Variants in MCM2 observed in about 807,000 individuals in gnomAD.
MCM2 encodes DNA replication licensing factor MCM2.
A neutral mutation model predicts 86.4 loss-of-function variants in MCM2; 49 were observed. The observed-to-expected ratio is 0.57, with a 90% CI of 0.45 to 0.72. The LOEUF (loss-of-function observed/expected upper bound fraction) is 0.72, where lower values mean the gene tolerates loss of function less well. Ranked by LOEUF, MCM2 falls within the 30% of genes least tolerant of loss-of-function variation. The probability of loss-of-function intolerance (pLI) is 0.00; values close to 1 mark genes in which losing one functional copy is unlikely to be tolerated. For missense variants in MCM2, 1,038 were observed against 1,259.9 expected, an observed-to-expected ratio of 0.82 and a Z score of 2.67; for synonymous variants, 475 against 484.6, an observed-to-expected ratio of 0.98 and a Z score of 0.26.
In MCM2 at chr3:127,618,100, C is replaced by G. The variant is rs200151575; in HGVS notation, c.2013+19C>G. 5.0e-6 allele frequency: 8 copies of G among 1,600,268 alleles called. No homozygotes were observed. The highest frequency in any genetic ancestry group is 6.0e-6 in the Non-Finnish European group (7 of 1,168,434). On this transcript the variant is annotated intron_variant, in intron 12 of 15. Coordinates refer to ENST00000265056, the MANE Select transcript of MCM2 (RefSeq NM_004526.4). This position sits in a 1 kb window ranked among gnomAD's most constrained non-coding sequence, Gnocchi z 4.0. ...AGTCCAGGTATAGCTCACATGTGCC[C>G]GGTTTCCATGAACTGTGGTTTGGGG... is the stretch of plus-strand genomic sequence containing the variant.
At chr3:127,600,433 G>A (rs966446275) in intron 2 of MCM2, among the ~76,000 whole-genome samples, 5 of 152,144 alleles carry the variant, frequency 3.3e-5, no homozygotes, top group African/African-American at 1.2e-4. Flanking sequence ...TTGTGTGAAT[G>A]CCCAGGAGCC....
Position 127,605,081 on chromosome 3 carries a change from A to G in MCM2, c.598A>G (p.Lys200Glu), listed in dbSNP as rs1425333545. The G allele has an allele frequency of 6.2e-7, 1 of 1,613,906 alleles. No individual in the cohort carries two copies. The highest frequency in any genetic ancestry group is 8.5e-7 in the Non-Finnish European group (1 of 1,180,014). Residue 200 changes from lysine (K) to glutamate (E), a missense_variant, in exon 4 of 16, where the codon AAG becomes GAG. This residue lies in a region of MCM2 where 300 missense variants were observed against 307.4 expected (regional missense o/e 0.98). Coordinates refer to ENST00000265056, the MANE Select transcript of MCM2 (RefSeq NM_004526.4). ...GPRLEIHHRFKNFLRTHVDSH... is the reference protein window; with the variant it reads ...GPRLEIHHRFENFLRTHVDSH... ...CCGGCTGGAGATCCACCACCGCTTC[A>G]AGAACTTCCTGCGCACTCACGTCGA...
intron 6 of MCM2, among the ~76,000 whole-genome samples, chr3:127,607,242 C>G (rs931590249): frequency 6.6e-6 from 1 of 152,210 alleles, no homozygotes; most frequent in African/African-American, 2.4e-5. Context: ...TCACGTGGGG[C>G]CCCTGGACCA....
rs2074443597 is a variant in MCM2 at position 127,617,642 on chromosome 3, T to C, written c.1900+237T>C. On this transcript the variant is annotated intron_variant, in intron 11 of 15. Transcript: ENST00000265056. This position sits in a 1 kb window ranked among gnomAD's most constrained non-coding sequence, Gnocchi z 4.1. ...TCACCTTGGATGTTCTCAGAAGGCA[T>C]GGGAGGAGAGCCCAGTGCCCCTCTG... 1 of 616,890 alleles carries C rather than the reference T, an allele frequency of 1.6e-6. No homozygotes were observed. Among genetic ancestry groups the C allele is most frequent in the Non-Finnish European group, 2.8e-6 (1 of 355,746 alleles). 38.2% of individuals were successfully genotyped at this position (616,890 alleles called of 1,614,324 possible).
At position 127,610,673 on chromosome 3, in the gene MCM2, G is replaced by A. The variant is rs2074388488; in HGVS notation, c.1428+1650G>A. On this transcript the variant is annotated intron_variant, in intron 8 of 15. Coordinates refer to ENST00000265056, the MANE Select transcript of MCM2 (RefSeq NM_004526.4). Reference sequence around the variant, plus strand: ...CTCGGTTCCTTTTCTCAAGTGTATTGCGTGTCTTTGCATCCACCGTGAGAA... The same window carrying A: ...CTCGGTTCCTTTTCTCAAGTGTATTACGTGTCTTTGCATCCACCGTGAGAA... The A allele has an allele frequency of 7.2e-6, 3 of 417,398 alleles. No individual in the cohort carries two copies. In the Admixed American group the frequency reaches 7.8e-5, roughly 11 times the overall value. 25.9% of individuals were successfully genotyped at this position (417,398 alleles called of 1,614,324 possible).
chr3:127,598,454 T>A lies in MCM2; in HGVS notation c.-13T>A. On this transcript the variant is annotated 5_prime_UTR_variant, in exon 1 of 16. Transcript: ENST00000265056. ...GTTGTTGCTGTAGTGGCGGAGAGGA[T>A]CGTGGTACTGCTATGGCGGTGAGCG... 1 of 1,613,402 alleles carries A rather than the reference T, an allele frequency of 6.2e-7. No homozygotes were observed. The highest frequency in any genetic ancestry group is 8.5e-7 in the Non-Finnish European group (1 of 1,179,546).
chr3:127,607,193 C>T (rs374752875), intron 6 of MCM2, among the ~76,000 whole-genome samples: 57 of 152,278 alleles, frequency 3.7e-4, no homozygotes, highest in East Asian at 1.5e-3. Flanking sequence ...GCAGTCCCAT[C>T]GGGACTTCCC....
rs751417348 is a variant in MCM2 at position 127,616,946 on chromosome 3, A to G, written c.1601A>G (p.Lys534Arg). ...GGCACAGCGAAGTCGCAGTTTCTCA[A>G]GTATATTGAGAAAGTGTCCAGCCGA... ...DPGTAKSQFL[K>R]YIEKVSSRAI... The change falls in exon 10 of 16, where the codon AAG becomes AGG. Residue 534 changes from lysine to arginine, a missense_variant. Around this residue, in one of 4 missense-constraint regions of MCM2, gnomAD observed 399 missense variants for 507.2 expected, o/e 0.79. Transcript: ENST00000265056. 5.0e-6 allele frequency: 8 copies of G among 1,614,022 alleles called. No homozygotes were observed. In the South Asian group the frequency reaches 7.7e-5, roughly 16 times the overall value.
chr3:127,612,248 G>A (rs1444450930), intron 8 of MCM2, among the ~76,000 whole-genome samples: 5 of 152,178 alleles, frequency 3.3e-5, no homozygotes, highest in Non-Finnish European at 5.9e-5. Flanking sequence ...CGTGGGCCCT[G>A]GACACTGATC....
In MCM2 at chr3:127,600,275, CTG is replaced by C. The variant is rs755378326; in HGVS notation, c.236+730_236+731del. On this transcript the variant is annotated intron_variant, in intron 2 of 15. Transcript: ENST00000265056. ...CAGCCTGGGCGAAAAGAGTGAAACT[CTG>C]TTTCAAAAATAAATAAATAAATAAG... 9.1e-4 allele frequency among the ~76,000 whole-genome samples: 138 copies of C among 152,316 alleles called. 1 individual carries two copies. In the Middle Eastern group the frequency reaches 0.01, roughly 11 times the overall value.
At chr3:127,610,716 G>T in intron 8 of MCM2, 1 of 449,864 alleles carries the variant, frequency 2.2e-6, no homozygotes, top group Non-Finnish European at 4.5e-6. Flanking sequence ...CAGGCTAGAC[G>T]CAAACCCAGT....
Position 127,606,401 on chromosome 3 carries a change from C to A in MCM2, c.893+64C>A. On this transcript the variant is annotated intron_variant, in intron 5 of 15. Transcript: ENST00000265056. This position sits in a 1 kb window ranked among gnomAD's most constrained non-coding sequence, Gnocchi z 4.2. ...AGTGCTGGGTGACTCGGTCGTGATT[C>A]CTGAAGAGCGATTGTGGTGTGGGCG... 1 of 1,520,516 alleles carries A rather than the reference C, an allele frequency of 6.6e-7. No homozygotes were observed. Among genetic ancestry groups the A allele is most frequent in the Non-Finnish European group, 9.1e-7 (1 of 1,104,928 alleles). The allele number at this position is 1,520,516 out of a possible 1,614,324, so 94.2% of individuals were successfully genotyped here. A position where few individuals can be genotyped will look rare whatever the true frequency, so the allele number is the denominator to read the frequency against.
chr3:127,621,801 T>C lies in MCM2; in HGVS notation c.*28T>C, dbSNP rs1480579698. 1.3e-6 allele frequency: 2 copies of C among 1,581,776 alleles called. No homozygotes were observed. Among genetic ancestry groups the C allele is most frequent in the Non-Finnish European group, 1.7e-6 (2 of 1,152,262 alleles). On this transcript the variant is annotated 3_prime_UTR_variant, in exon 16 of 16. Transcript: ENST00000265056. ...CCCTATGCCATCCATAAGGATTCCTTGGGATTCTGGTTTGGGGTGGTCAGT... is the reference window on the plus strand; with the variant it reads ...CCCTATGCCATCCATAAGGATTCCTCGGGATTCTGGTTTGGGGTGGTCAGT...
chr3:127,621,153 G>A lies in MCM2; in HGVS notation c.2529G>A (p.Gln843=). 1.9e-6 allele frequency: 3 copies of A among 1,614,242 alleles called. No individual in the cohort carries two copies. The highest frequency in any genetic ancestry group is 2.5e-6 in the Non-Finnish European group (3 of 1,180,046). The change falls in exon 15 of 16, where the codon CAG becomes CAA. Residue 843 remains glutamine (Q), a synonymous_variant. Transcript: ENST00000265056. ...TACTGAAGCAGTTAGTGGCAGAGCA[G>A]GTGACATATCAGCGCAACCGCTTTG... ...LFILKQLVAE[Q]VTYQRNRFGA... is the part of the protein sequence containing the mutation.
rs745497113 is a variant in MCM2 at position 127,606,349 on chromosome 3, G to A, written c.893+12G>A. The A allele has an allele frequency of 1.2e-5, 19 of 1,613,698 alleles. No homozygotes were observed. Among genetic ancestry groups the A allele is most frequent in the Admixed American group, 1.7e-5 (1 of 60,010 alleles). On this transcript the variant is annotated intron_variant, in intron 5 of 15. Coordinates refer to ENST00000265056, the MANE Select transcript of MCM2 (RefSeq NM_004526.4). The surrounding 1 kb of genome is among the most constrained non-coding windows in gnomAD (Gnocchi z 4.2). ...CTGCGCTCGCTGAGGTGAGCTGAGG[G>A]CAGGTGAGGATGGCAGGTCCGAGCT...
At position 127,617,580 on chromosome 3, in the gene MCM2, G is replaced by A. The variant is rs1186627331; in HGVS notation, c.1900+175G>A. 5.1e-6 allele frequency: 4 copies of A among 786,394 alleles called. No homozygotes were observed. Among genetic ancestry groups the A allele is most frequent in the East Asian group, 2.7e-5 (1 of 36,976 alleles). The allele number at this position is 786,394 out of a possible 1,614,324, so 48.7% of individuals were successfully genotyped here. On this transcript the variant is annotated intron_variant, in intron 11 of 15. Transcript: ENST00000265056. This position sits in a 1 kb window ranked among gnomAD's most constrained non-coding sequence, Gnocchi z 4.1. ...TGGGGAACAGTGAAAGTGGGACCTG[G>A]GACACCTGGGTTTCCTGTTGAGTCA...
Position 127,617,422 on chromosome 3 carries a change from G to A in MCM2, c.1900+17G>A, listed in dbSNP as rs2107694834. On this transcript the variant is annotated intron_variant, in intron 11 of 15. Coordinates refer to ENST00000265056, the MANE Select transcript of MCM2 (RefSeq NM_004526.4). The surrounding 1 kb of genome is among the most constrained non-coding windows in gnomAD (Gnocchi z 4.1). ...ACCCCATAGGTGCAGCAGGCACCCT[G>A]ACTGCTGGGGCTGGGGTGGGACACA... 6 of 1,610,710 alleles carry A rather than the reference G, an allele frequency of 3.7e-6. No homozygotes were observed. Among genetic ancestry groups the A allele is most frequent in the Non-Finnish European group, 5.1e-6 (6 of 1,178,672 alleles).
Position 127,620,894 on chromosome 3 carries a change from G to A in MCM2, c.2448+14G>A, listed in dbSNP as rs369455417. 1.0e-3 allele frequency: 1,611 copies of A among 1,592,352 alleles called. 24 individuals carry two copies. The South Asian group carries it at 0.017, about 16-fold the overall frequency. On this transcript the variant is annotated intron_variant, in intron 14 of 15. Coordinates refer to ENST00000265056, the MANE Select transcript of MCM2 (RefSeq NM_004526.4). ...AGCATGCGCAAGGTGGGTGTGCTCCGAGGTAGGGGCCTGATGGGCAAGCTC... is the reference window on the plus strand; with the variant it reads ...AGCATGCGCAAGGTGGGTGTGCTCCAAGGTAGGGGCCTGATGGGCAAGCTC...
In MCM2 at chr3:127,617,527, T is replaced by C; in HGVS notation, c.1900+122T>C. ...GAGGAAGTCATTGTGCAGCAGAGGG[T>C]TCCCCTCTTCTGCATATCCTGCCAG... On this transcript the variant is annotated intron_variant, in intron 11 of 15. Transcript: ENST00000265056. This position sits in a 1 kb window ranked among gnomAD's most constrained non-coding sequence, Gnocchi z 4.1. The C allele has an allele frequency of 8.1e-7, 1 of 1,236,018 alleles. No individual in the cohort carries two copies. Among genetic ancestry groups the C allele is most frequent in the South Asian group, 1.5e-5 (1 of 64,562 alleles). 76.6% of individuals were successfully genotyped at this position (1,236,018 alleles called of 1,614,324 possible). A position where few individuals can be genotyped will look rare whatever the true frequency, so the allele number is the denominator to read the frequency against.
Sources: gnomAD v4.1 joint callset for allele counts (sites outside exome capture counted in the v4.1 genomes callset) on GRCh38, gnomAD v4.1.1 for gene constraint, gnomAD v4.1.1 regional missense constraint, Gnocchi (gnomAD v3.1) non-coding constraint, MANE v1.5 for transcripts, NCBI Gene and HGNC (gene_info 2026-07-23, HGNC 2026-07-21) for gene names.